Variants in SORCS3 observed in about 807,000 individuals in gnomAD.
The protein encoded by SORCS3 is VPS10 domain-containing receptor SorCS3.
Under a neutral mutation model 146.3 loss-of-function variants are expected in SORCS3, and 57 were observed. The observed-to-expected ratio is 0.39, with a 90% confidence interval of 0.31 to 0.49. The LOEUF is 0.49. Ranked by LOEUF, SORCS3 falls within the 20% of genes least tolerant of loss-of-function variation. The pLI is 0.92. For synonymous variants in SORCS3, 653 were observed against 618.5 expected (o/e 1.06, Z -0.83); for missense variants, 1,341 against 1,575.5 (o/e 0.85, Z 2.52).
At chr10:105,247,197 TA>T in intron 21 of SORCS3, 21 bp from the exon 22 acceptor site, 1 of 1,424,032 alleles carries the variant, frequency 7.0e-7, no homozygotes, top group Non-Finnish European at 9.9e-7. Flanking sequence ...CAGCCTCACT[TA>T]AACATTCTCT....
chr10:104,845,937 G>A (rs543674436), intron 2 of SORCS3, among the ~76,000 whole-genome samples: 6 of 152,112 alleles, frequency 3.9e-5, no homozygotes, highest in South Asian at 4.1e-4. Context: ...GACCAGGTCC[G>A]GAGGGTGTGG....
chr10:104,680,933 CAGG>C (rs2015963242), intron 1 of SORCS3, among the ~76,000 whole-genome samples: 3 of 152,206 alleles, frequency 2.0e-5, no homozygotes, highest in Non-Finnish European at 4.4e-5. Context: ...TCAGAAGGAG[CAGG>C]AGGCCAGGCA....
chr10:105,005,731 C>T (rs891484214), intron 4 of SORCS3, among the ~76,000 whole-genome samples: 5 of 152,154 alleles, frequency 3.3e-5, no homozygotes, highest in Admixed American at 3.3e-4. Flanking sequence ...CACTCACTCC[C>T]TTCATGATCT....
intron 1 of SORCS3, among the ~76,000 whole-genome samples, chr10:104,744,406 GATT>G (rs2016884425): frequency 1.3e-5 from 2 of 152,100 alleles, no homozygotes; most frequent in African/African-American, 4.8e-5. Flanking sequence ...TAATAATGGT[GATT>G]ATTATTAATT....
chr10:104,779,071 A>G (rs1408710915), intron 1 of SORCS3, among the ~76,000 whole-genome samples: 1 of 152,206 alleles, frequency 6.6e-6, no homozygotes, highest in Admixed American at 6.5e-5. Context: ...GAAGCCAGTC[A>G]TTGGGTGGCA....
chr10:104,834,692 T>C (rs1190269325), intron 1 of SORCS3, among the ~76,000 whole-genome samples: 10 of 146,412 alleles, frequency 6.8e-5, no homozygotes, highest in Non-Finnish European at 1.3e-4. Flanking sequence ...ACTGCATTTG[T>C]TACCTATTTT....
At chr10:104,737,547 T>C (rs1362010776) in intron 1 of SORCS3, among the ~76,000 whole-genome samples, 3 of 152,046 alleles carry the variant, frequency 2.0e-5, no homozygotes, top group Non-Finnish European at 4.4e-5. Context: ...GAGCATTTTT[T>C]CATGTGTCTT....
chr10:105,213,316 G>C (rs996625544), intron 17 of SORCS3, among the ~76,000 whole-genome samples: 1 of 152,204 alleles, frequency 6.6e-6, no homozygotes, highest in South Asian at 2.1e-4. Context: ...TGTCAGGTAT[G>C]ATGGAAGACT....
intron 5 of SORCS3, among the ~76,000 whole-genome samples, chr10:105,055,153 T>C (rs1054499261): frequency 4.6e-5 from 7 of 152,204 alleles, no homozygotes; most frequent in African/African-American, 1.7e-4. Context: ...TTTTAATTAA[T>C]GTTATTCCTA....
intron 1 of SORCS3, among the ~76,000 whole-genome samples, chr10:104,662,324 C>G (rs2015713042): frequency 6.6e-6 from 1 of 152,160 alleles, no homozygotes; most frequent in South Asian, 2.1e-4. Context: ...TACTGTGTGC[C>G]AAACATTGAG....
chr10:104,794,635 G>A (rs1589501835), intron 1 of SORCS3, among the ~76,000 whole-genome samples: 2 of 151,228 alleles, frequency 1.3e-5, no homozygotes, highest in East Asian at 1.9e-4. Flanking sequence ...GAGAGAGAGA[G>A]AGAGAGAGAG....
intron 3 of SORCS3, among the ~76,000 whole-genome samples, chr10:104,941,193 A>C (rs1286544482): frequency 6.6e-6 from 1 of 152,136 alleles, no homozygotes; most frequent in Non-Finnish European, 1.5e-5. Flanking sequence ...CTGCTTTATC[A>C]GTGGGACTTT....
intron 5 of SORCS3, among the ~76,000 whole-genome samples, chr10:105,071,966 A>G (rs530260021): frequency 2.0e-5 from 3 of 152,284 alleles, no homozygotes; most frequent in African/African-American, 4.8e-5. Flanking sequence ...GCCCTTGAAG[A>G]TGCAAGGTTC....
At chr10:104,779,782 C>T (rs2017351908) in intron 1 of SORCS3, among the ~76,000 whole-genome samples, 1 of 152,124 alleles carries the variant, frequency 6.6e-6, no homozygotes. Context: ...ATGAGGATGG[C>T]AGGTGAGGGC....
chr10:104,752,445 G>A (rs765859594), intron 1 of SORCS3, among the ~76,000 whole-genome samples: 63 of 152,314 alleles, frequency 4.1e-4, no homozygotes, highest in Non-Finnish European at 3.5e-4. Context: ...ACTTGGCAAG[G>A]GAGGGGAATC....
At chr10:104,783,456 G>A (rs1264332841) in intron 1 of SORCS3, among the ~76,000 whole-genome samples, 3 of 152,294 alleles carry the variant, frequency 2.0e-5, no homozygotes, top group Admixed American at 6.5e-5. Context: ...TCTTGGGGCC[G>A]GGCGTGGTGG....
At chr10:104,938,004 A>T (rs527953238) in intron 3 of SORCS3, among the ~76,000 whole-genome samples, 1 of 152,264 alleles carries the variant, frequency 6.6e-6, no homozygotes, top group East Asian at 1.9e-4. Flanking sequence ...AGATTGACAG[A>T]GTTTGGACTC....
chr10:105,042,925 A>G, intron 4 of SORCS3, 130 bp from the exon 5 acceptor site: 1 of 731,492 alleles, frequency 1.4e-6, no homozygotes, highest in Non-Finnish European at 2.4e-6. Context: ...CTACCTTTTT[A>G]TCTGGATAAA....
chr10:104,744,851 G>A (rs1462482195), intron 1 of SORCS3, among the ~76,000 whole-genome samples: 2 of 152,202 alleles, frequency 1.3e-5, no homozygotes, highest in South Asian at 4.1e-4. Flanking sequence ...AGTCTGTGCT[G>A]TCTAAGATAT....
Sources: allele counts gnomAD v4.1 joint callset (sites outside exome capture counted in the v4.1 genomes callset), GRCh38; gene constraint gnomAD v4.1.1; transcripts MANE v1.5; gene names NCBI Gene and HGNC (gene_info 2026-07-23, HGNC 2026-07-21).